TWSG1: variants seen among roughly 807,000 people sequenced by gnomAD.
TWSG1 encodes twisted gastrulation protein homolog 1.
In TWSG1, 15 loss-of-function variants were observed where a neutral mutation model predicts 23.0. That is an observed-to-expected ratio of 0.65 (90% confidence interval 0.44 to 1.00). The LOEUF (loss-of-function observed/expected upper bound fraction) is 1.00. TWSG1 is among the 50% of genes least tolerant of loss of function. The pLI is 0.00. For synonymous variants in TWSG1, 86 were observed against 92.8 expected (o/e 0.93, Z 0.42); for missense variants, 242 against 278.7 (o/e 0.87, Z 0.94).
intron 2 of TWSG1, among the ~76,000 whole-genome samples, chr18:9,338,303 T>G (rs1253335394): frequency 6.6e-6 from 1 of 152,250 alleles, no homozygotes; most frequent in Non-Finnish European, 1.5e-5. Flanking sequence ...TAACCCTAAC[T>G]TTGCATTTCA....
rs1167042759 is a variant in TWSG1, at chr18:9,400,870, A to G, written c.*1343A>G. 1 of 152,214 alleles carries G rather than the reference A, an allele frequency of 6.6e-6. No homozygotes were observed. The highest frequency in any genetic ancestry group is 2.4e-5 in the African/African-American group (1 of 41,454). The allele number at this position is 152,214 out of a possible 1,614,324, so 9.4% of individuals were successfully genotyped here. A position where few individuals can be genotyped will look rare whatever the true frequency, so the allele number is the denominator to read the frequency against. On this transcript the variant is annotated 3_prime_UTR_variant, in exon 5 of 5. Transcript: ENST00000262120. Reference sequence around the variant, plus strand: ...TCTAAAACATAAATATTTATATTACAGACTCAATTTTACAAAATTACTAAT... The same window carrying G: ...TCTAAAACATAAATATTTATATTACGGACTCAATTTTACAAAATTACTAAT...
intron 2 of TWSG1, among the ~76,000 whole-genome samples, chr18:9,352,300 T>C (rs1246793184): frequency 6.6e-6 from 1 of 152,218 alleles, no homozygotes; most frequent in Non-Finnish European, 1.5e-5. Context: ...TTCCTTTGTG[T>C]GGATGTACTA....
chr18:9,369,060 G>A (rs2145615391), intron 3 of TWSG1, among the ~76,000 whole-genome samples: 1 of 152,128 alleles, frequency 6.6e-6, no homozygotes, highest in South Asian at 2.1e-4. Flanking sequence ...AGTGAGCCAA[G>A]ATAGTGCCAT....
At chr18:9,351,036 A>G (rs1036381213) in intron 2 of TWSG1, among the ~76,000 whole-genome samples, 3 of 152,130 alleles carry the variant, frequency 2.0e-5, no homozygotes, top group Admixed American at 1.3e-4. Context: ...ACAATATGCA[A>G]GTAAATACTT....
intron 3 of TWSG1, among the ~76,000 whole-genome samples, chr18:9,361,736 A>G (rs549534307): frequency 2.8e-4 from 42 of 152,292 alleles, no homozygotes; most frequent in Admixed American, 7.8e-4. Context: ...TCCCATACTC[A>G]TCTCTACCCT....
At chr18:9,363,585 C>T (rs1441656611) in intron 3 of TWSG1, among the ~76,000 whole-genome samples, 1 of 152,156 alleles carries the variant, frequency 6.6e-6, no homozygotes, top group Non-Finnish European at 1.5e-5. Flanking sequence ...AACACAATGT[C>T]ATTACTATGC....
chr18:9,364,739 A>G (rs2040569721), intron 3 of TWSG1, among the ~76,000 whole-genome samples: 1 of 152,050 alleles, frequency 6.6e-6, no homozygotes, highest in Non-Finnish European at 1.5e-5. Context: ...AGTTGCAGTG[A>G]GCCGAGATAG....
intron 2 of TWSG1, among the ~76,000 whole-genome samples, chr18:9,340,118 C>T (rs1415094077): frequency 6.6e-6 from 1 of 151,904 alleles, no homozygotes; most frequent in Non-Finnish European, 1.5e-5. Flanking sequence ...CCTGTAATCC[C>T]AGCACTTCAG....
At chr18:9,383,105 T>C (rs941582961) in intron 3 of TWSG1, among the ~76,000 whole-genome samples, 10 of 151,456 alleles carry the variant, frequency 6.6e-5, no homozygotes, top group Admixed American at 1.3e-4. Context: ...TTGGAGACCA[T>C]GGAAAGGAGT....
intron 3 of TWSG1, among the ~76,000 whole-genome samples, chr18:9,373,409 C>T (rs1389327108): frequency 6.6e-6 from 1 of 152,104 alleles, no homozygotes; most frequent in Non-Finnish European, 1.5e-5. Flanking sequence ...TGGTGCATGC[C>T]TATAATCCCA....
chr18:9,358,469 GCAGA>G (rs1250701963), intron 2 of TWSG1, among the ~76,000 whole-genome samples: 1 of 152,146 alleles, frequency 6.6e-6, no homozygotes, highest in Non-Finnish European at 1.5e-5. Flanking sequence ...AAACAGAGCT[GCAGA>G]CAGACAGGGT....
intron 3 of TWSG1, among the ~76,000 whole-genome samples, chr18:9,377,895 T>G (rs1398456722): frequency 6.6e-6 from 1 of 152,150 alleles, no homozygotes; most frequent in African/African-American, 2.4e-5. Context: ...ATTCTTGTAT[T>G]TTTTGTAGAG....
intron 2 of TWSG1, among the ~76,000 whole-genome samples, chr18:9,349,528 G>A (rs1264027630): frequency 6.6e-6 from 1 of 152,094 alleles, no homozygotes; most frequent in Non-Finnish European, 1.5e-5. Flanking sequence ...TCTGAAATAA[G>A]TTGGAATTTT....
chr18:9,348,830 G>C (rs1397827310), intron 2 of TWSG1, among the ~76,000 whole-genome samples: 1 of 152,222 alleles, frequency 6.6e-6, no homozygotes, highest in South Asian at 2.1e-4. Flanking sequence ...TTGAACATTT[G>C]TAATGTTGAA....
chr18:9,351,979 T>C (rs1306500227), intron 2 of TWSG1, among the ~76,000 whole-genome samples: 3 of 152,082 alleles, frequency 2.0e-5, no homozygotes, highest in Non-Finnish European at 4.4e-5. Flanking sequence ...GTTTTATGAT[T>C]TTTGACAAAC....
At chr18:9,387,189 G>A (rs890787088) in intron 3 of TWSG1, among the ~76,000 whole-genome samples, 2 of 152,212 alleles carry the variant, frequency 1.3e-5, no homozygotes, top group South Asian at 4.1e-4. Flanking sequence ...ATATCATTGA[G>A]AAGCAGAATA....
At chr18:9,353,556 A>G (rs1388930099) in intron 2 of TWSG1, among the ~76,000 whole-genome samples, 1 of 152,188 alleles carries the variant, frequency 6.6e-6, no homozygotes, top group Non-Finnish European at 1.5e-5. Context: ...ATTTTTTTCC[A>G]TCATAAAATT....
At chr18:9,339,950 A>G (rs1211357111) in intron 2 of TWSG1, among the ~76,000 whole-genome samples, 1 of 152,232 alleles carries the variant, frequency 6.6e-6, no homozygotes, top group Admixed American at 6.5e-5. Flanking sequence ...TTTCAGTCAC[A>G]AATTCATGGA....
intron 4 of TWSG1, among the ~76,000 whole-genome samples, chr18:9,398,573 T>A (rs1218066223): frequency 6.6e-6 from 1 of 152,044 alleles, no homozygotes; most frequent in Non-Finnish European, 1.5e-5. Flanking sequence ...TTCTCCTGCC[T>A]CAGCCTCCCG....
Sources: gnomAD v4.1 joint callset for allele counts (sites outside exome capture counted in the v4.1 genomes callset) on GRCh38, gnomAD v4.1.1 for gene constraint, MANE v1.5 for transcripts, NCBI Gene and HGNC (gene_info 2026-07-23, HGNC 2026-07-21) for gene names.